Variants in PAPPA2 observed in about 807,000 individuals in gnomAD.
PAPPA2 encodes the protein pappalysin 2.
PAPPA2 carries 86 observed loss-of-function variants against 176.4 expected under a neutral mutation model. The observed-to-expected ratio is 0.49, with a 90% CI of 0.41 to 0.58. PAPPA2 has a LOEUF of 0.58. PAPPA2 is among the 20% of genes least tolerant of loss of function. The pLI is 0.00. For missense variants in PAPPA2, 2,073 were observed against 2,256.9 expected (o/e 0.92, Z 1.65); for synonymous variants, 809 against 852.2 (o/e 0.95, Z 0.88).
chr1:176,730,084 T>C lies in PAPPA2; in HGVS notation c.3799-9542T>C, dbSNP rs146950794. Among the ~76,000 whole-genome samples, 325 of 152,110 alleles carry C rather than the reference T, an allele frequency of 2.1e-3. 3 individuals carry two copies. The highest frequency in any genetic ancestry group is 7.6e-3 in the African/African-American group (318 of 41,570). On this transcript the variant is annotated intron_variant, in intron 12 of 22. Coordinates refer to ENST00000367662, the MANE Select transcript of PAPPA2 (RefSeq NM_020318.3). Reference sequence around the variant, plus strand: ...ATCTTTTATTTTTGACTTTTGCATGTAGAATTATTTTATATATTCATTTTT... The same window carrying C: ...ATCTTTTATTTTTGACTTTTGCATGCAGAATTATTTTATATATTCATTTTT...
At chr1:176,830,356 T>C (rs1398226139) in intron 21 of PAPPA2, among the ~76,000 whole-genome samples, 2 of 152,218 alleles carry the variant, frequency 1.3e-5, no homozygotes, top group Non-Finnish European at 2.9e-5. Context: ...ACTAGTTTAA[T>C]CCATCAAATA....
chr1:176,547,274 G>A (rs949780240), intron 1 of PAPPA2, among the ~76,000 whole-genome samples: 1 of 152,064 alleles, frequency 6.6e-6, no homozygotes, highest in Non-Finnish European at 1.5e-5. Context: ...TTACCCCACT[G>A]CCACCCACCT....
chr1:176,745,039 C>A (rs1417720434), intron 14 of PAPPA2, among the ~76,000 whole-genome samples: 1 of 152,098 alleles, frequency 6.6e-6, no homozygotes, highest in African/African-American at 2.4e-5. Context: ...ACAGTATTCC[C>A]CATCTTTATT....
intron 2 of PAPPA2, among the ~76,000 whole-genome samples, chr1:176,582,114 A>G (rs1014504190): frequency 2.0e-5 from 3 of 151,336 alleles, no homozygotes; most frequent in South Asian, 4.2e-4. Context: ...ATTTTAGTAG[A>G]GACGGGGTTT....
At chr1:176,733,594 G>A (rs1245377367) in intron 12 of PAPPA2, among the ~76,000 whole-genome samples, 1 of 152,044 alleles carries the variant, frequency 6.6e-6, no homozygotes, top group Non-Finnish European at 1.5e-5. Flanking sequence ...GGATAGCAAT[G>A]TTTTTTTATC....
intron 3 of PAPPA2, among the ~76,000 whole-genome samples, chr1:176,602,892 T>A (rs1472221132): frequency 2.6e-5 from 4 of 152,194 alleles, no homozygotes; most frequent in Non-Finnish European, 5.9e-5. Context: ...TCCTGTTTAT[T>A]TTCCTATAAG....
At chr1:176,467,901 C>A (rs1331012217) in intron 1 of PAPPA2, among the ~76,000 whole-genome samples, 1 of 152,154 alleles carries the variant, frequency 6.6e-6, no homozygotes, top group Admixed American at 6.5e-5. Flanking sequence ...TAAATCAAGA[C>A]ACTCTCTGTA....
chr1:176,817,140 A>G (rs758269155), intron 21 of PAPPA2, among the ~76,000 whole-genome samples: 2 of 152,126 alleles, frequency 1.3e-5, no homozygotes, highest in Non-Finnish European at 2.9e-5. Context: ...GCAAGAGGTG[A>G]GCATGGGACA....
At chr1:176,628,081 G>T (rs1656129170) in intron 3 of PAPPA2, among the ~76,000 whole-genome samples, 1 of 152,130 alleles carries the variant, frequency 6.6e-6, no homozygotes, top group Non-Finnish European at 1.5e-5. Context: ...CATTCAAATT[G>T]AATCCAGACA....
chr1:176,694,895 C>T (rs961185716), intron 6 of PAPPA2, among the ~76,000 whole-genome samples: 5 of 152,278 alleles, frequency 3.3e-5, no homozygotes, highest in South Asian at 2.1e-4. Flanking sequence ...TTCTCAACAC[C>T]GCATAGCAGA....
At chr1:176,709,587 A>G (rs957688418) in intron 10 of PAPPA2, among the ~76,000 whole-genome samples, 1 of 152,202 alleles carries the variant, frequency 6.6e-6, no homozygotes, top group African/African-American at 2.4e-5. Flanking sequence ...AATACCTGAT[A>G]GGATTTATTT....
intron 12 of PAPPA2, among the ~76,000 whole-genome samples, chr1:176,736,711 G>A (rs1382207550): frequency 6.6e-6 from 1 of 150,636 alleles, no homozygotes; most frequent in African/African-American, 2.4e-5. Flanking sequence ...AAGTTTCTAT[G>A]TCCTTATGTA....
chr1:176,472,534 C>T (rs764325862), intron 1 of PAPPA2, among the ~76,000 whole-genome samples: 15 of 152,010 alleles, frequency 9.9e-5, no homozygotes, highest in Admixed American at 1.3e-4. Flanking sequence ...TTCAAGAATC[C>T]CTGGTTTCTT....
At position 176,692,109 on chromosome 1, in the gene PAPPA2, CT is replaced by C; in HGVS notation, c.2432-11del. 6.3e-7 allele frequency: 1 copy of C among 1,596,340 alleles called. No individual in the cohort carries two copies. The highest frequency in any genetic ancestry group is 8.6e-7 in the Non-Finnish European group (1 of 1,167,096). On this transcript the variant is annotated splice_polypyrimidine_tract_variant and intron_variant, in intron 5 of 22. Coordinates refer to ENST00000367662, the MANE Select transcript of PAPPA2 (RefSeq NM_020318.3). The stretch of plus-strand genomic sequence containing the variant: ...TTAAAATCTCCATCTCTTGTGCCAC[CT>C]TTTTTGTCTCCACAGATGATAACTG...
At chr1:176,834,078 A>G (rs1004076349) in intron 21 of PAPPA2, among the ~76,000 whole-genome samples, 1 of 152,214 alleles carries the variant, frequency 6.6e-6, no homozygotes, top group African/African-American at 2.4e-5. Flanking sequence ...ACTTCAAAAT[A>G]GGACAATCAT....
At chr1:176,814,021 C>G (rs542205810) in intron 21 of PAPPA2, among the ~76,000 whole-genome samples, 2 of 152,266 alleles carry the variant, frequency 1.3e-5, no homozygotes, top group African/African-American at 4.8e-5. Context: ...GTTCTCCCAG[C>G]ACTATTTTTT....
At chr1:176,634,966 AATAG>A (rs3979574) in intron 3 of PAPPA2, among the ~76,000 whole-genome samples, 38,076 of 134,826 alleles carry the variant, frequency 0.28, 5,185 homozygotes, top group Middle Eastern at 0.34. Context: ...TAGATAGATA[AATAG>A]ATAGATAGAT....
chr1:176,466,367 A>G (rs956245792), intron 1 of PAPPA2, among the ~76,000 whole-genome samples: 4 of 152,128 alleles, frequency 2.6e-5, no homozygotes, highest in Non-Finnish European at 5.9e-5. Context: ...TAATGATAAA[A>G]TTTCAAGCAC....
chr1:176,529,148 A>G (rs1649654379), intron 1 of PAPPA2, among the ~76,000 whole-genome samples: 1 of 152,198 alleles, frequency 6.6e-6, no homozygotes, highest in Admixed American at 6.5e-5. Context: ...GGAAGTCTTT[A>G]GATTTTCCCT....
Sources: gnomAD v4.1 joint callset for allele counts (sites outside exome capture counted in the v4.1 genomes callset) on GRCh38, gnomAD v4.1.1 for gene constraint, MANE v1.5 for transcripts, NCBI Gene and HGNC (gene_info 2026-07-23, HGNC 2026-07-21) for gene names.